EIF4ENIF1: variants seen among roughly 807,000 people sequenced by gnomAD.
EIF4ENIF1 encodes the protein eukaryotic translation initiation factor 4E transporter.
EIF4ENIF1 carries 23 observed loss-of-function variants against 110.5 expected under a neutral mutation model. The ratio of observed to expected loss-of-function variants is 0.21; its 90% CI spans 0.15 to 0.29. EIF4ENIF1 has a LOEUF of 0.29. EIF4ENIF1 is among the 10% of genes least tolerant of loss of function. The pLI is 1.00. For missense variants in EIF4ENIF1, 1,031 were observed against 1,221.1 expected (o/e 0.84, Z 2.32); for synonymous variants, 440 against 437.0 (o/e 1.01, Z -0.09).
At chr22:31,467,172 C>A (rs1287114179) in intron 4 of EIF4ENIF1, among the ~76,000 whole-genome samples, 2 of 152,182 alleles carry the variant, frequency 1.3e-5, no homozygotes, top group African/African-American at 2.4e-5. Context: ...CAGTTTTCAT[C>A]ATTTTAATAA....
chr22:31,469,745 T>G (rs1171127196), intron 3 of EIF4ENIF1, among the ~76,000 whole-genome samples: 5 of 152,212 alleles, frequency 3.3e-5, no homozygotes, highest in African/African-American at 1.2e-4. Context: ...CAGGCTGGAA[T>G]GCAGTGGCAT....
Position 31,471,920 on chromosome 22 carries a change from A to G in EIF4ENIF1, c.97-3T>C, listed in dbSNP as rs532365334. Reference sequence around the variant, plus strand: ...TCTTTTATATCCAAGAGTTCTTCCTAAAAAGAGAAGTCAAATAGTCATTTT... The same window carrying G: ...TCTTTTATATCCAAGAGTTCTTCCTGAAAAGAGAAGTCAAATAGTCATTTT... On this transcript the variant is annotated splice_region_variant and splice_polypyrimidine_tract_variant and intron_variant, in intron 2 of 18. Transcript: ENST00000330125. 6.3e-6 allele frequency: 10 copies of G among 1,595,572 alleles called. No individual in the cohort carries two copies. The South Asian group carries it at 1.2e-4, about 18-fold the overall frequency.
At chr22:31,461,461 CAG>C (rs1416923361) in intron 6 of EIF4ENIF1, among the ~76,000 whole-genome samples, 1 of 152,074 alleles carries the variant, frequency 6.6e-6, no homozygotes, top group Admixed American at 6.6e-5. Context: ...TTTTTGGAGA[CAG>C]AGTCTCAACT....
Position 31,439,853 on chromosome 22 carries a change from G to T in EIF4ENIF1, c.*27C>A. 1 of 1,608,268 alleles carries T rather than the reference G, an allele frequency of 6.2e-7. No homozygotes were observed. On this transcript the variant is annotated 3_prime_UTR_variant, in exon 19 of 19. Transcript: ENST00000330125. Reference sequence around the variant, plus strand: ...CTGCCCAGTGTGCCACCACAGGTCCGGGCTTAGTTGAGTCTGCCTGCCCTG... The same window carrying T: ...CTGCCCAGTGTGCCACCACAGGTCCTGGCTTAGTTGAGTCTGCCTGCCCTG...
chr22:31,478,515 CAA>C (rs35883412), intron 2 of EIF4ENIF1, among the ~76,000 whole-genome samples: 2 of 87,728 alleles, frequency 2.3e-5, no homozygotes, highest in Admixed American at 1.4e-4. Context: ...GACTCTGTCT[CAA>C]AAAAAAAAAA....
chr22:31,450,215 G>T, intron 11 of EIF4ENIF1, 74 bp downstream of exon 11: 1 of 1,193,584 alleles, frequency 8.4e-7, no homozygotes. Context: ...GCCCAAAGTT[G>T]GACCACTAAG....
At chr22:31,472,081 C>G (rs2051399750) in intron 2 of EIF4ENIF1, among the ~76,000 whole-genome samples, 164 bp from the exon 3 acceptor site, 1 of 152,180 alleles carries the variant, frequency 6.6e-6, no homozygotes, top group African/African-American at 2.4e-5. Context: ...GAGGTTCTCA[C>G]AAGCTCAAGC....
At chr22:31,460,933 A>C (rs2050973097) in intron 6 of EIF4ENIF1, among the ~76,000 whole-genome samples, 1 of 152,274 alleles carries the variant, frequency 6.6e-6, no homozygotes, top group Middle Eastern at 3.4e-3. Context: ...CAACAAAGCA[A>C]GACTCCATCT....
intron 2 of EIF4ENIF1, among the ~76,000 whole-genome samples, chr22:31,478,733 T>C (rs1340493999): frequency 4.7e-5 from 7 of 148,342 alleles, no homozygotes; most frequent in Non-Finnish European, 6.0e-5. Context: ...GGGCGGATCA[T>C]GAGGTCAGGA....
chr22:31,468,598 T>C (rs1378014340), intron 3 of EIF4ENIF1, among the ~76,000 whole-genome samples: 2 of 152,196 alleles, frequency 1.3e-5, no homozygotes, highest in East Asian at 1.9e-4. Context: ...TTTCACCAGT[T>C]GGCCAGGCCA....
At chr22:31,449,306 G>A (rs1287248288) in intron 12 of EIF4ENIF1, 42 bp downstream of exon 12, 1 of 1,592,992 alleles carries the variant, frequency 6.3e-7, no homozygotes, top group Non-Finnish European at 8.6e-7. Flanking sequence ...TACCGTGCCT[G>A]GCCATAAATT....
intron 4 of EIF4ENIF1, among the ~76,000 whole-genome samples, chr22:31,466,556 T>G (rs950891167): frequency 7.2e-6 from 1 of 138,336 alleles, no homozygotes. Context: ...TACTCCAGCC[T>G]AGGCAACAGA....
intron 2 of EIF4ENIF1, among the ~76,000 whole-genome samples, chr22:31,480,922 G>C (rs1440457160): frequency 6.6e-6 from 1 of 152,092 alleles, no homozygotes; most frequent in Non-Finnish European, 1.5e-5. Context: ...AATCAGCTGG[G>C]CATGGTGGCA....
rs1569062489 is a variant in EIF4ENIF1, at chr22:31,442,134, C to G, written c.2207-16G>C. The G allele has an allele frequency of 6.3e-7, 1 of 1,578,290 alleles. No individual in the cohort carries two copies. The highest frequency in any genetic ancestry group is 1.4e-5 in the African/African-American group (1 of 73,378). On this transcript the variant is annotated splice_polypyrimidine_tract_variant and intron_variant, in intron 16 of 18. Transcript: ENST00000330125. ...AGGAGGTTTTCTGTGAGGAACCAAA[C>G]AAAAAATATTTTGGCAAACCTCTCC...
intron 5 of EIF4ENIF1, among the ~76,000 whole-genome samples, chr22:31,463,441 G>C (rs1223160050): frequency 2.0e-5 from 3 of 152,024 alleles, no homozygotes; most frequent in Non-Finnish European, 4.4e-5. Flanking sequence ...CACTTTGGGA[G>C]GCCGAGGCAG....
intron 2 of EIF4ENIF1, among the ~76,000 whole-genome samples, chr22:31,487,616 C>T (rs1053741835): frequency 7.9e-5 from 12 of 151,950 alleles, no homozygotes; most frequent in Non-Finnish European, 1.3e-4. Flanking sequence ...ATGGCGAATT[C>T]CCATCTCTAT....
chr22:31,491,929 A>G (rs558564727), upstream of EIF4ENIF1, among the ~76,000 whole-genome samples: 124 of 152,324 alleles, frequency 8.1e-4, no homozygotes, highest in African/African-American at 1.9e-3. Flanking sequence ...CAGAATTCCA[A>G]TTATATTTTG....
Position 31,455,295 on chromosome 22 carries a change from A to G in EIF4ENIF1, c.1120T>C (p.Ser374Pro). Residue 374 changes from serine to proline, a missense_variant, in exon 9 of 19, where the codon TCT (serine) becomes CCT (proline). Around this residue, in one of 3 missense-constraint regions of EIF4ENIF1, gnomAD observed 704 missense variants for 879.7 expected, o/e 0.80. Coordinates refer to ENST00000330125, the MANE Select transcript of EIF4ENIF1 (RefSeq NM_019843.4). ...RLAGLEQAIL[S>P]PGQNSGNYFA... The stretch of plus-strand genomic sequence containing the variant: ...TAATTCCCCGAGTTCTGTCCAGGAG[A>G]GAGGATGGCTTGCTCCAGACCTGAT... The G allele has an allele frequency of 1.9e-6, 3 of 1,594,856 alleles. No homozygotes were observed. In the Middle Eastern group the frequency reaches 5.0e-4, roughly 266 times the overall value.
chr22:31,467,654 C>T (rs1187628752), intron 4 of EIF4ENIF1, among the ~76,000 whole-genome samples: 1 of 152,086 alleles, frequency 6.6e-6, no homozygotes. Flanking sequence ...GAAACCCCAT[C>T]TCTACTAAAA....
Sources: gnomAD v4.1 joint callset for allele counts (sites outside exome capture counted in the v4.1 genomes callset) on GRCh38, gnomAD v4.1.1 for gene constraint, gnomAD v4.1.1 regional missense constraint, MANE v1.5 for transcripts, NCBI Gene and HGNC (gene_info 2026-07-23, HGNC 2026-07-21) for gene names.